BTBD18: variants seen among roughly 807,000 people sequenced by gnomAD.
BTBD18 encodes the protein BTB domain containing 18.
For synonymous variants in BTBD18, 311 were observed against 324.4 expected (o/e 0.96, Z 0.44); for missense variants, 787 against 846.3 (o/e 0.93, Z 0.87).
In BTBD18 at chr11:57,744,693, T is replaced by G. The variant is rs1949155093; in HGVS notation, c.1580A>C (p.Tyr527Ser). The G allele has an allele frequency of 3.2e-6, 5 of 1,551,608 alleles. No homozygotes were observed. The highest frequency in any genetic ancestry group is 2.6e-6 in the Non-Finnish European group (3 of 1,147,000). The change falls in exon 3 of 3, where the codon TAC becomes TCC. Residue 527 changes from tyrosine (Y) to serine (S), a missense_variant. Coordinates refer to ENST00000422652, the MANE Select transcript of BTBD18 (RefSeq NM_001145101.3). ...PGAEGCRTPT[Y>S]HLTETGKNWI... ...GTTCTTTCCTGTTTCTGTCAGATGG[T>G]AGGTAGGCGTTCTGCAGCCCTCAGC...
chr11:57,752,352 T>C (rs552642672), upstream of BTBD18, among the ~76,000 whole-genome samples: 276 of 152,142 alleles, frequency 1.8e-3, 2 homozygotes, highest in Admixed American at 3.4e-3. Context: ...CTGGCCAACA[T>C]GGTGACTCCC....
At chr11:57,752,717 C>T (rs1456748768), upstream of BTBD18, among the ~76,000 whole-genome samples, 1 of 152,164 alleles carries the variant, frequency 6.6e-6, no homozygotes, top group Non-Finnish European at 1.5e-5. Flanking sequence ...GCCTGCCTTG[C>T]TTCCTCTCAA....
chr11:57,744,266 A>C lies in BTBD18; in HGVS notation c.2007T>G (p.Pro669=). 6.4e-7 allele frequency: 1 copy of C among 1,551,724 alleles called. No individual in the cohort carries two copies. Among genetic ancestry groups the C allele is most frequent in the Non-Finnish European group, 8.7e-7 (1 of 1,146,984 alleles). ...CAATCTCTTCCTCTTCAGAGCTGGC[A>C]GGAAGTGAGCCTAGTAGTTCAGAGT... ...SGHSELLGSL[P]ASSEEEEIDV... The change falls in exon 3 of 3, where the codon CCT becomes CCG. Residue 669 remains proline (P), a synonymous_variant. Coordinates refer to ENST00000422652, the MANE Select transcript of BTBD18 (RefSeq NM_001145101.3).
Position 57,745,838 on chromosome 11 carries a change from T to C in BTBD18, c.435A>G (p.Gln145=). The C allele has an allele frequency of 6.4e-7, 1 of 1,551,630 alleles. No homozygotes were observed. ...CAGAGATTGGTGCAGCACTTGTTGG[T>C]TGTAAGCACTCTCGGTTCAGCCTTC... ...QGRRLNRECL[Q]PTSAAPISAR... is the part of the protein sequence containing the mutation. The change falls in exon 3 of 3, where the codon CAA becomes CAG. Residue 145 remains glutamine, a synonymous_variant. Coordinates refer to ENST00000422652, the MANE Select transcript of BTBD18 (RefSeq NM_001145101.3).
chr11:57,751,256 T>C lies in BTBD18; in HGVS notation c.-48-20A>G. ...AGACTCCTGTAGGTGAGATAATACATTTCAGAGGCATGGTTACATCTAATT... is the reference window on the plus strand; with the variant it reads ...AGACTCCTGTAGGTGAGATAATACACTTCAGAGGCATGGTTACATCTAATT... On this transcript the variant is annotated intron_variant, in intron 1 of 2. Transcript: ENST00000422652. 7.9e-7 allele frequency: 1 copy of C among 1,264,202 alleles called. No homozygotes were observed. The highest frequency in any genetic ancestry group is 1.0e-6 in the Non-Finnish European group (1 of 962,124). 78.3% of individuals were successfully genotyped at this position (1,264,202 alleles called of 1,614,324 possible).
intron 2 of BTBD18, among the ~76,000 whole-genome samples, chr11:57,750,850 AATTAG>A (rs1007850721): frequency 6.6e-6 from 1 of 152,224 alleles, no homozygotes; most frequent in Non-Finnish European, 1.5e-5. Context: ...AAAACTTTAC[AATTAG>A]ATTCATTATT....
At position 57,744,004 on chromosome 11, in the gene BTBD18, G is replaced by A; in HGVS notation, c.*130C>T. 1.6e-6 allele frequency: 1 copy of A among 631,248 alleles called. No homozygotes were observed. Among genetic ancestry groups the A allele is most frequent in the Non-Finnish European group, 2.7e-6 (1 of 366,020 alleles). The allele number at this position is 631,248 out of a possible 1,614,324, so 39.1% of individuals were successfully genotyped here. A position where few individuals can be genotyped will look rare whatever the true frequency, so the allele number is the denominator to read the frequency against. On this transcript the variant is annotated 3_prime_UTR_variant, in exon 3 of 3. Coordinates refer to ENST00000422652, the MANE Select transcript of BTBD18 (RefSeq NM_001145101.3). ...TCTGAGGCTTAGGGAAGGGAGGAAGGGACCTACAAAGAGCCAGGGTACACC... is the reference window on the plus strand; with the variant it reads ...TCTGAGGCTTAGGGAAGGGAGGAAGAGACCTACAAAGAGCCAGGGTACACC...
In BTBD18 at chr11:57,743,969, C is replaced by T. The variant is rs370927769; in HGVS notation, c.*165G>A. 2.4e-4 allele frequency: 136 copies of T among 570,782 alleles called. 3 individuals are homozygous for T. The highest frequency in any genetic ancestry group is 1.4e-3 in the East Asian group (48 of 35,468). 35.4% of individuals were successfully genotyped at this position (570,782 alleles called of 1,614,324 possible). A position where few individuals can be genotyped will look rare whatever the true frequency, so the allele number is the denominator to read the frequency against. On this transcript the variant is annotated 3_prime_UTR_variant, in exon 3 of 3. Transcript: ENST00000422652. ...TTTCTATCTATGGTACCCTTGGCTT[C>T]TGCCTGGCTTCTGAGGCTTAGGGAA...
upstream of BTBD18, among the ~76,000 whole-genome samples, chr11:57,752,503 C>T (rs1161085038): frequency 1.3e-5 from 2 of 149,962 alleles, no homozygotes; most frequent in Non-Finnish European, 3.0e-5. Flanking sequence ...CCAGCCTGGG[C>T]GACAGAGCGA....
At chr11:57,753,145 T>A (rs750744526), upstream of BTBD18, 2 of 158,076 alleles carry the variant, frequency 1.3e-5, no homozygotes, top group Non-Finnish European at 2.7e-5. Context: ...GCGCTGCGCG[T>A]CGCAGAGCCC....
Position 57,744,359 on chromosome 11 carries a change from C to G in BTBD18, c.1914G>C (p.Leu638=). 6.4e-7 allele frequency: 1 copy of G among 1,551,500 alleles called. No individual in the cohort carries two copies. The highest frequency in any genetic ancestry group is 8.7e-7 in the Non-Finnish European group (1 of 1,146,816). ...ACTCATCTGTAGTCAAGGAGACTTC[C>G]AGCCCAGTCTCCACCCAGTTTGAGC... The part of the protein sequence containing the change: ...PPCSNWVETG[L]EVSLTTDELL... The change falls in exon 3 of 3, where the codon CTG becomes CTC. Residue 638 remains leucine, a synonymous_variant. Coordinates refer to ENST00000422652, the MANE Select transcript of BTBD18 (RefSeq NM_001145101.3).
chr11:57,745,775 T>C lies in BTBD18; in HGVS notation c.498A>G (p.Pro166=). The C allele has an allele frequency of 6.4e-7, 1 of 1,551,494 alleles. No individual in the cohort carries two copies. Among genetic ancestry groups the C allele is most frequent in the South Asian group, 1.2e-5 (1 of 84,044 alleles). The change falls in exon 3 of 3, where the codon CCA becomes CCG. Residue 166 remains proline (P), a synonymous_variant. Coordinates refer to ENST00000422652, the MANE Select transcript of BTBD18 (RefSeq NM_001145101.3). ...GACAAGGAGTTTGATTAGTGGGCAG[T>C]GGGGTGTGAGGGTGGTGGCTGGGTG... The part of the protein sequence containing the change: ...VVTPSHHPHT[P]LPTNQTPCPL...
upstream of BTBD18, among the ~76,000 whole-genome samples, chr11:57,751,998 C>G (rs962285377): frequency 9.9e-5 from 15 of 152,092 alleles, no homozygotes; most frequent in African/African-American, 3.6e-4. Flanking sequence ...TTGGCCTTTA[C>G]GTTTGTATAG....
Position 57,744,580 on chromosome 11 carries a change from T to A in BTBD18, c.1693A>T (p.Asn565Tyr), listed in dbSNP as rs1949153315. ...CTAAGGAGCTCAGTTGGCCCTCTGT[T>A]CTCACCAGCAGGTTCCTTTTCCAAT... ...TELEKEPAGE[N>Y]RGPTELLSPL... Residue 565 changes from asparagine to tyrosine, a missense_variant, in exon 3 of 3, where the codon AAC becomes TAC. Coordinates refer to ENST00000422652, the MANE Select transcript of BTBD18 (RefSeq NM_001145101.3). 4.5e-6 allele frequency: 7 copies of A among 1,551,680 alleles called. No individual in the cohort carries two copies. Among genetic ancestry groups the A allele is most frequent in the Non-Finnish European group, 6.1e-6 (7 of 1,146,982 alleles).
At chr11:57,750,580 C>T (rs1949286876) in intron 2 of BTBD18, among the ~76,000 whole-genome samples, 1 of 152,208 alleles carries the variant, frequency 6.6e-6, no homozygotes, top group Non-Finnish European at 1.5e-5. Context: ...CCTGTAATCT[C>T]AGCTACTTGA....
chr11:57,744,964 G>C lies in BTBD18; in HGVS notation c.1309C>G (p.Pro437Ala). Residue 437 changes from proline (P) to alanine (A), a missense_variant, in exon 3 of 3, where the codon CCA becomes GCA. Coordinates refer to ENST00000422652, the MANE Select transcript of BTBD18 (RefSeq NM_001145101.3). ...TCTGACTTCACCACTGGGTGGTCTG[G>C]GGAGTGGCTAGCAGAGACCAGAATG... ...QDILVSASHS[P>A]DHPVVKSEFE... The C allele has an allele frequency of 6.4e-7, 1 of 1,551,616 alleles. No homozygotes were observed. The highest frequency in any genetic ancestry group is 8.7e-7 in the Non-Finnish European group (1 of 1,146,952).
At chr11:57,751,014 T>C in intron 2 of BTBD18, 51 bp downstream of exon 2, 1 of 1,460,338 alleles carries the variant, frequency 6.8e-7, no homozygotes, top group African/African-American at 1.4e-5. Flanking sequence ...CTGAACTCAT[T>C]TTATCTTATT....
chr11:57,747,227 A>G (rs1451013042), intron 2 of BTBD18, among the ~76,000 whole-genome samples: 1 of 152,190 alleles, frequency 6.6e-6, no homozygotes, highest in Non-Finnish European at 1.5e-5. Context: ...CTTTAATTAC[A>G]AAAGGCTTGC....
In BTBD18 at chr11:57,744,491, G is replaced by C. The variant is rs1344295460; in HGVS notation, c.1782C>G (p.Asp594Glu). The C allele has an allele frequency of 6.4e-7, 1 of 1,551,664 alleles. No individual in the cohort carries two copies. The part of the protein sequence containing the change: ...VLSVGGRWTP[D>E]LEITSSQPLD... ...GTGGCTGGGAGCTGGTAATTTCAAG[G>C]TCTGGTGTCCAACGGCCTCCTACTG... Residue 594 changes from aspartate (D) to glutamate (E), a missense_variant, in exon 3 of 3, where the codon GAC (aspartate) becomes GAG (glutamate). Coordinates refer to ENST00000422652, the MANE Select transcript of BTBD18 (RefSeq NM_001145101.3).
Sources: gnomAD v4.1 joint callset for allele counts (sites outside exome capture counted in the v4.1 genomes callset) on GRCh38, gnomAD v4.1.1 for gene constraint, MANE v1.5 for transcripts, NCBI Gene and HGNC (gene_info 2026-07-23, HGNC 2026-07-21) for gene names.